Variants in CSMD1 observed in about 807,000 individuals in gnomAD.
CSMD1 encodes the protein CUB and Sushi multiple domains 1, also known as CUB and sushi domain-containing protein 1.
Under a neutral mutation model 417.5 loss-of-function variants are expected in CSMD1, and 213 were observed. The ratio of observed to expected loss-of-function variants is 0.51; its 90% CI spans 0.46 to 0.57. The LOEUF is 0.57. CSMD1 is among the 20% of genes least tolerant of loss of function. The pLI is 0.00. For missense variants in CSMD1, 6,923 were observed against 4,529.7 expected, an observed-to-expected ratio of 1.53 and a Z score of -15.17; for synonymous variants, 2,862 against 1,736.8, an observed-to-expected ratio of 1.65 and a Z score of -16.11.
intron 3 of CSMD1, among the ~76,000 whole-genome samples, chr8:4,307,986 A>C (rs540330261): frequency 1.4e-4 from 22 of 152,154 alleles, no homozygotes; most frequent in Non-Finnish European, 3.1e-4. Flanking sequence ...ACAGAGGCTC[A>C]AGGAGGCTGG....
At chr8:3,797,502 T>C (rs1372612313) in intron 5 of CSMD1, among the ~76,000 whole-genome samples, 1 of 151,978 alleles carries the variant, frequency 6.6e-6, no homozygotes, top group Non-Finnish European at 1.5e-5. Context: ...GATCTTTAAC[T>C]TTATATAAAT....
intron 3 of CSMD1, among the ~76,000 whole-genome samples, chr8:4,047,967 G>A (rs1294416583): frequency 6.6e-6 from 1 of 152,088 alleles, no homozygotes; most frequent in Admixed American, 6.5e-5. Flanking sequence ...GAGTCCTTAG[G>A]CCTTGTTTCT....
At chr8:4,656,204 G>A (rs1804218763) in intron 1 of CSMD1, among the ~76,000 whole-genome samples, 3 of 152,066 alleles carry the variant, frequency 2.0e-5, no homozygotes, top group Admixed American at 2.0e-4. Flanking sequence ...ACTATTCCAG[G>A]AAGGGAATAT....
chr8:4,929,044 C>G (rs1047968118), intron 1 of CSMD1, among the ~76,000 whole-genome samples: 2 of 152,124 alleles, frequency 1.3e-5, no homozygotes, highest in Non-Finnish European at 2.9e-5. Context: ...GCATTCCAGC[C>G]TGGGGTGACA....
chr8:4,168,473 G>A (rs375002323), intron 3 of CSMD1, among the ~76,000 whole-genome samples: 4 of 151,958 alleles, frequency 2.6e-5, no homozygotes, highest in Non-Finnish European at 4.4e-5. Flanking sequence ...GAAAAGGGAT[G>A]TGGTAAAAGT....
At chr8:3,215,885 A>G (rs1034813384) in intron 29 of CSMD1, among the ~76,000 whole-genome samples, 5 of 151,736 alleles carry the variant, frequency 3.3e-5, no homozygotes, top group African/African-American at 1.2e-4. Flanking sequence ...ATTTTCAATT[A>G]TATTTTTAAT....
At chr8:4,683,646 G>A (rs1042755355) in intron 1 of CSMD1, among the ~76,000 whole-genome samples, 3 of 152,208 alleles carry the variant, frequency 2.0e-5, no homozygotes, top group Non-Finnish European at 2.9e-5. Flanking sequence ...AGAGAAGGCG[G>A]CCCTGGAGTG....
intron 1 of CSMD1, among the ~76,000 whole-genome samples, chr8:4,900,778 G>C (rs1029619507): frequency 2.7e-4 from 41 of 152,258 alleles, no homozygotes; most frequent in African/African-American, 9.1e-4. Context: ...TCTCTCAACA[G>C]AATTCACTGA....
intron 1 of CSMD1, among the ~76,000 whole-genome samples, chr8:4,686,492 A>C (rs950519083): frequency 6.6e-6 from 1 of 152,202 alleles, no homozygotes; most frequent in African/African-American, 2.4e-5. Flanking sequence ...AAAAGAAATA[A>C]CCTGTCTCTG....
At chr8:3,606,343 C>A (rs1801612489) in intron 8 of CSMD1, among the ~76,000 whole-genome samples, 1 of 152,176 alleles carries the variant, frequency 6.6e-6, no homozygotes, top group Non-Finnish European at 1.5e-5. Context: ...ATGGTACAGC[C>A]TAGTCCTCCC....
At chr8:4,859,549 A>C (rs1802005086) in intron 1 of CSMD1, among the ~76,000 whole-genome samples, 1 of 152,194 alleles carries the variant, frequency 6.6e-6, no homozygotes, top group Admixed American at 6.5e-5. Flanking sequence ...CAATGAACTC[A>C]AACAAATTTA....
At chr8:4,403,376 C>G (rs1312947628) in intron 3 of CSMD1, among the ~76,000 whole-genome samples, 1 of 152,128 alleles carries the variant, frequency 6.6e-6, no homozygotes, top group African/African-American at 2.4e-5. Flanking sequence ...CTTGACCTCT[C>G]TAACTTCTCT....
At chr8:3,193,809 C>G (rs942140038) in intron 33 of CSMD1, among the ~76,000 whole-genome samples, 4 of 152,166 alleles carry the variant, frequency 2.6e-5, no homozygotes, top group African/African-American at 7.2e-5. Flanking sequence ...GTGTGCTCAT[C>G]TGTCGGGAAA....
rs951853251 is a variant in CSMD1 at position 3,914,838 on chromosome 8, T to A, written c.818+83065A>T. Among the ~76,000 whole-genome samples, 5 of 152,298 alleles carry A rather than the reference T, an allele frequency of 3.3e-5. No homozygotes were observed. In the East Asian group the frequency reaches 5.8e-4, roughly 18 times the overall value. On this transcript the variant is annotated intron_variant, in intron 5 of 69. Coordinates refer to ENST00000635120, the MANE Select transcript of CSMD1 (RefSeq NM_033225.6). ...TCTACTGAGTGTCCTTATGCTAGAATGCAAATACTTCCAAGGCACACATCA... is the reference window on the plus strand; with the variant it reads ...TCTACTGAGTGTCCTTATGCTAGAAAGCAAATACTTCCAAGGCACACATCA...
chr8:3,338,599 G>T (rs1435469687), intron 23 of CSMD1, among the ~76,000 whole-genome samples: 1 of 152,080 alleles, frequency 6.6e-6, no homozygotes, highest in Non-Finnish European at 1.5e-5. Flanking sequence ...CAAGTGCCTG[G>T]GCTCAGAGTC....
At chr8:2,984,597 T>C (rs774658312) in intron 54 of CSMD1, among the ~76,000 whole-genome samples, 1 of 152,208 alleles carries the variant, frequency 6.6e-6, no homozygotes, top group Non-Finnish European at 1.5e-5. Flanking sequence ...TCCACCCACC[T>C]TGGGCTCCCA....
chr8:4,490,039 AT>A (rs67307681), intron 2 of CSMD1, among the ~76,000 whole-genome samples: 18,358 of 131,004 alleles, frequency 0.14, 1,531 homozygotes, highest in African/African-American at 0.24. Flanking sequence ...TCAGGTACCA[AT>A]TTTTTTTTTT....
At chr8:3,902,522 A>G (rs1807824431) in intron 5 of CSMD1, among the ~76,000 whole-genome samples, 1 of 152,090 alleles carries the variant, frequency 6.6e-6, no homozygotes, top group Admixed American at 6.5e-5. Flanking sequence ...ATCATCAGCC[A>G]TTAGATTCTC....
chr8:4,029,345 G>C (rs781013853), intron 4 of CSMD1, among the ~76,000 whole-genome samples: 7 of 152,180 alleles, frequency 4.6e-5, no homozygotes, highest in Non-Finnish European at 1.0e-4. Context: ...ATTTACAAAA[G>C]AGAGGTTTGA....
Sources: allele counts gnomAD v4.1 joint callset (sites outside exome capture counted in the v4.1 genomes callset), GRCh38; gene constraint gnomAD v4.1.1; transcripts MANE v1.5; gene names NCBI Gene and HGNC (gene_info 2026-07-23, HGNC 2026-07-21).